Variants in ZCWPW2 observed in about 807,000 individuals in gnomAD.
The protein encoded by ZCWPW2 is zinc finger CW-type PWWP domain protein 2.
Under a neutral mutation model 46.6 loss-of-function variants are expected in ZCWPW2, and 45 were observed. That is an observed-to-expected ratio of 0.96 (90% confidence interval 0.76 to 1.24). The LOEUF is 1.24. Among genes scored for constraint, ZCWPW2 ranks in the 50% most tolerant of loss-of-function variants. The pLI, the probability that ZCWPW2 is intolerant of heterozygous loss-of-function variation, is 0.00. For missense variants in ZCWPW2, 429 were observed against 403.9 expected, an observed-to-expected ratio of 1.06 and a Z score of -0.53; for synonymous variants, 152 against 137.1, an observed-to-expected ratio of 1.11 and a Z score of -0.76.
intron 5 of ZCWPW2, among the ~76,000 whole-genome samples, chr3:28,490,095 A>T (rs1699755228): frequency 6.6e-6 from 1 of 152,198 alleles, no homozygotes; most frequent in Non-Finnish European, 1.5e-5. Context: ...CCATTAGAGA[A>T]ATGCAAATCA....
chr3:28,442,863 C>T (rs1315216289), intron 4 of ZCWPW2, among the ~76,000 whole-genome samples: 1 of 152,130 alleles, frequency 6.6e-6, no homozygotes, highest in East Asian at 1.9e-4. Flanking sequence ...TTGATGGTGG[C>T]ACTAGTCTCC....
At chr3:28,511,385 T>C (rs548280566) in intron 6 of ZCWPW2, among the ~76,000 whole-genome samples, 1 of 152,060 alleles carries the variant, frequency 6.6e-6, no homozygotes, top group Non-Finnish European at 1.5e-5. Flanking sequence ...TTTGAAAAAT[T>C]TTTTCAAAAA....
intron 3 of ZCWPW2, among the ~76,000 whole-genome samples, chr3:28,422,226 A>G (rs1425976546): frequency 1.3e-5 from 2 of 152,092 alleles, no homozygotes; most frequent in Non-Finnish European, 2.9e-5. Flanking sequence ...TGAAGTCCAT[A>G]GTTTACATTA....
chr3:28,361,328 C>T (rs1018998620), intron 1 of ZCWPW2, among the ~76,000 whole-genome samples: 9 of 151,938 alleles, frequency 5.9e-5, no homozygotes, highest in East Asian at 3.9e-4. Flanking sequence ...TATTCACATG[C>T]GAAAGAATGA....
rs940570204 is a variant in ZCWPW2 at position 28,525,537 on chromosome 3, G to A, written c.*849G>A. Among the ~76,000 whole-genome samples the A allele has an allele frequency of 2.0e-5, 3 of 151,976 alleles. No individual in the cohort carries two copies. The highest frequency in any genetic ancestry group is 6.6e-5 in the Admixed American group (1 of 15,240). ...CTGGTGGTACGGGGTGGGGAAAAGGGCATTCCAAGCACATAAAAACCAAAG... is the reference window on the plus strand; with the variant it reads ...CTGGTGGTACGGGGTGGGGAAAAGGACATTCCAAGCACATAAAAACCAAAG... On this transcript the variant is annotated 3_prime_UTR_variant, in exon 10 of 10. Coordinates refer to ENST00000383768, the MANE Select transcript of ZCWPW2 (RefSeq NM_001040432.4).
At chr3:28,362,230 A>G (rs1704967612) in intron 1 of ZCWPW2, among the ~76,000 whole-genome samples, 1 of 152,170 alleles carries the variant, frequency 6.6e-6, no homozygotes, top group Non-Finnish European at 1.5e-5. Context: ...TGTTCTTGAG[A>G]TCCATTGTAC....
At chr3:28,417,057 C>CTT (rs762824707) in intron 3 of ZCWPW2, among the ~76,000 whole-genome samples, 19 of 124,680 alleles carry the variant, frequency 1.5e-4, no homozygotes, top group East Asian at 4.6e-4. Context: ...GATTCCCTCT[C>CTT]TTTTTTTTTT....
At chr3:28,466,558 G>A (rs1433813284) in intron 4 of ZCWPW2, among the ~76,000 whole-genome samples, 1 of 152,144 alleles carries the variant, frequency 6.6e-6, no homozygotes, top group Non-Finnish European at 1.5e-5. Flanking sequence ...CAGCACTTTG[G>A]GAGGCCAAGG....
intron 5 of ZCWPW2, among the ~76,000 whole-genome samples, chr3:28,481,733 C>T (rs1420347861): frequency 6.6e-6 from 1 of 151,318 alleles, no homozygotes; most frequent in Non-Finnish European, 1.5e-5. Context: ...TTTATATTTA[C>T]AAAAAATGTA....
At chr3:28,411,184 G>T (rs1696383393) in intron 2 of ZCWPW2, among the ~76,000 whole-genome samples, 1 of 151,708 alleles carries the variant, frequency 6.6e-6, no homozygotes, top group Admixed American at 6.6e-5. Context: ...GGCATAACCA[G>T]GTAGGGATTA....
intron 4 of ZCWPW2, among the ~76,000 whole-genome samples, chr3:28,437,173 AGAG>A (rs980274561): frequency 2.6e-5 from 4 of 152,218 alleles, no homozygotes; most frequent in East Asian, 1.9e-4. Context: ...ATTTTTTTCT[AGAG>A]GAGAAGTATG....
Position 28,413,302 on chromosome 3 carries a change from C to A in ZCWPW2, c.234C>A (p.Phe78Leu). 1.2e-6 allele frequency: 2 copies of A among 1,613,254 alleles called. No individual in the cohort carries two copies. Among genetic ancestry groups the A allele is most frequent in the South Asian group, 1.1e-5 (1 of 91,062 alleles). Residue 78 changes from phenylalanine (F) to leucine (L), a missense_variant, in exon 3 of 10, where the codon TTC (phenylalanine) becomes TTA (leucine). Physicochemically the swap from Phe to Leu is conservative, Grantham distance 22. Coordinates refer to ENST00000383768, the MANE Select transcript of ZCWPW2 (RefSeq NM_001040432.4). ...YNNCSISEED[F>L]PEESQLHQCG... ...ACTGCTCAATTTCTGAAGAAGACTTCCCTGAAGAGTCTCAGCTTCATCAGT... is the reference window on the plus strand; with the variant it reads ...ACTGCTCAATTTCTGAAGAAGACTTACCTGAAGAGTCTCAGCTTCATCAGT...
At chr3:28,438,118 G>A (rs748529620) in intron 4 of ZCWPW2, among the ~76,000 whole-genome samples, 4 of 152,184 alleles carry the variant, frequency 2.6e-5, no homozygotes, top group African/African-American at 7.2e-5. Context: ...CAGGAGCTGA[G>A]GTGGGCAAAG....
intron 4 of ZCWPW2, among the ~76,000 whole-genome samples, chr3:28,463,109 T>C (rs1169911665): frequency 6.6e-6 from 1 of 152,194 alleles, no homozygotes; most frequent in African/African-American, 2.4e-5. Context: ...TGCTTATTCA[T>C]TTATCAAAAA....
chr3:28,386,581 T>G (rs879277377), intron 1 of ZCWPW2, among the ~76,000 whole-genome samples: 2 of 152,184 alleles, frequency 1.3e-5, no homozygotes, highest in Non-Finnish European at 2.9e-5. Flanking sequence ...CATTAATATT[T>G]ATTTTTTATT....
At chr3:28,481,245 T>G (rs1699418316) in intron 5 of ZCWPW2, among the ~76,000 whole-genome samples, 1 of 151,802 alleles carries the variant, frequency 6.6e-6, no homozygotes, top group African/African-American at 2.4e-5. Flanking sequence ...ATGATAACTT[T>G]TATTTATTTA....
At chr3:28,472,852 A>G (rs1047394054) in intron 4 of ZCWPW2, among the ~76,000 whole-genome samples, 2 of 152,150 alleles carry the variant, frequency 1.3e-5, no homozygotes, top group Non-Finnish European at 2.9e-5. Flanking sequence ...ACCAGAATAT[A>G]TAAGAAGCTC....
At chr3:28,449,679 A>G (rs1698147942) in intron 4 of ZCWPW2, among the ~76,000 whole-genome samples, 1 of 152,194 alleles carries the variant, frequency 6.6e-6, no homozygotes, top group African/African-American at 2.4e-5. Flanking sequence ...GGTAGATTTT[A>G]TGTGTATTTT....
intron 3 of ZCWPW2, chr3:28,428,046 C>T (rs966516139): frequency 1.3e-5 from 2 of 152,098 alleles, no homozygotes; most frequent in Admixed American, 1.3e-4. Context: ...ATTTCTGCTT[C>T]TTAGTGAGGT....
Sources: allele counts gnomAD v4.1 joint callset (sites outside exome capture counted in the v4.1 genomes callset), GRCh38; gene constraint gnomAD v4.1.1; transcripts MANE v1.5; gene names NCBI Gene and HGNC (gene_info 2026-07-23, HGNC 2026-07-21).